DMD: variants seen among roughly 807,000 people sequenced by gnomAD.
DMD encodes the protein mutant dystrophin.
A neutral mutation model predicts 330.1 loss-of-function variants in DMD; 63 were observed. The ratio of observed to expected loss-of-function variants is 0.19; its 90% CI spans 0.16 to 0.24. The LOEUF (loss-of-function observed/expected upper bound fraction) is 0.24. Ranked by LOEUF, DMD falls within the 10% of genes least tolerant of loss-of-function variation. DMD has a pLI of 1.00. For synonymous variants in DMD, 1,223 were observed against 959.8 expected (o/e 1.27, Z -5.07); for missense variants, 3,344 against 2,684.1 (o/e 1.25, Z -5.43).
In DMD at chrX:32,457,028, T is replaced by A. The variant is rs758721597; in HGVS notation, c.3433-2196A>T. Among the ~76,000 whole-genome samples, 2 of 100,715 alleles carry A rather than the reference T, an allele frequency of 2.0e-5. 1 individual carries two copies. The highest frequency in any genetic ancestry group is 6.2e-4 in the East Asian group (2 of 3,210). The allele number at this position is 100,715 out of a possible 115,157, so 87.5% of individuals were successfully genotyped here. On this transcript the variant is annotated intron_variant, in intron 25 of 78. Transcript: ENST00000357033. ...TTACATTTAAAACTATGGAGCTTGA[T>A]AAGTTGACCCGGAGAGTGGGTGGTA...
chrX:32,772,525 T>C (rs1398639254), intron 7 of DMD, among the ~76,000 whole-genome samples: 1 of 112,308 alleles, frequency 8.9e-6, no homozygotes, highest in African/African-American at 3.2e-5. Flanking sequence ...GACGAACTAA[T>C]TGCTTGTGTA....
chrX:32,782,120 G>A (rs5972669), intron 7 of DMD, among the ~76,000 whole-genome samples: 1 of 111,306 alleles, frequency 9.0e-6, no homozygotes, highest in Admixed American at 9.6e-5. Flanking sequence ...TTTGAAAAAT[G>A]TTCATTTCCA....
chrX:31,341,381 T>C (rs1291940123), intron 61 of DMD, among the ~76,000 whole-genome samples: 1 of 111,623 alleles, frequency 9.0e-6, no homozygotes, highest in Non-Finnish European at 1.9e-5. Flanking sequence ...GTTACTATTA[T>C]CCCTATTTTA....
At chrX:31,473,720 A>AAAAAAAAAAAAAG (rs1310270784) in intron 59 of DMD, among the ~76,000 whole-genome samples, 3,945 of 103,864 alleles carry the variant, frequency 0.038, 94 homozygotes, top group Non-Finnish European at 0.055. Flanking sequence ...TCAAAAAAAA[A>AAAAAAAAAAAAAG]AAAAAAAAGA....
At chrX:32,548,206 A>C (rs1396611210) in intron 16 of DMD, among the ~76,000 whole-genome samples, 1 of 111,557 alleles carries the variant, frequency 9.0e-6, no homozygotes, top group African/African-American at 3.3e-5. Flanking sequence ...AGTAAAATAG[A>C]AACTCCATAT....
chrX:32,678,557 T>TTA lies in DMD; in HGVS notation c.960+19312_960+19313insTA, dbSNP rs763602077. ...ATGTGTGTATGGGTGGGTGCCTACA[T>TTA]GCTTAGTATATTTTAATCTCCTAAA... On this transcript the variant is annotated intron_variant, in intron 9 of 78. Coordinates refer to ENST00000357033, the MANE Select transcript of DMD (RefSeq NM_004006.3). 4.4e-3 allele frequency among the ~76,000 whole-genome samples: 489 copies of TTA among 110,829 alleles called. 1 individual carries two copies. The highest frequency in any genetic ancestry group is 0.015 in the African/African-American group (460 of 30,418).
At chrX:32,856,991 C>A (rs1021538300) in intron 2 of DMD, among the ~76,000 whole-genome samples, 10 of 109,031 alleles carry the variant, frequency 9.2e-5, no homozygotes, top group African/African-American at 3.4e-4. Flanking sequence ...AGGAGAACGG[C>A]GTGAACCCGG....
chrX:31,964,345 T>A (rs181363469), intron 45 of DMD, among the ~76,000 whole-genome samples: 1 of 111,423 alleles, frequency 9.0e-6, no homozygotes, highest in African/African-American at 3.3e-5. Flanking sequence ...TAACCAAATG[T>A]AATGCATGAG....
intron 18 of DMD, among the ~76,000 whole-genome samples, chrX:32,510,590 T>A (rs1171690627): frequency 8.9e-6 from 1 of 111,802 alleles, no homozygotes; most frequent in Non-Finnish European, 1.9e-5. Context: ...ACATTATAGG[T>A]ACATAATAAG....
chrX:33,318,063 T>G (rs1298512841), intron 1 of DMD, among the ~76,000 whole-genome samples: 2 of 111,209 alleles, frequency 1.8e-5, no homozygotes, highest in African/African-American at 6.5e-5. Flanking sequence ...TTAAGTGGAG[T>G]GATAACATAT....
intron 1 of DMD, among the ~76,000 whole-genome samples, chrX:33,318,540 C>G (rs1202530034): frequency 9.2e-6 from 1 of 108,147 alleles, no homozygotes; most frequent in Non-Finnish European, 1.9e-5. Flanking sequence ...CCCCACCTCC[C>G]AGGTTCGAGT....
At chrX:33,257,021 A>T (rs1182174171) in intron 1 of DMD, among the ~76,000 whole-genome samples, 1 of 110,672 alleles carries the variant, frequency 9.0e-6, no homozygotes, top group African/African-American at 3.3e-5. Flanking sequence ...GACTGTAAGT[A>T]TAACCTACCT....
intron 20 of DMD, among the ~76,000 whole-genome samples, chrX:32,487,400 C>T (rs1031127538): frequency 3.6e-5 from 4 of 110,253 alleles, no homozygotes; most frequent in African/African-American, 9.9e-5. Flanking sequence ...TATGTAACAA[C>T]AGGAAAATTG....
At chrX:32,348,328 T>A in intron 38 of DMD, 78 bp downstream of exon 38, 1 of 1,016,189 alleles carries the variant, frequency 9.8e-7, no homozygotes, top group Admixed American at 2.2e-5. Flanking sequence ...GAAAATTCAG[T>A]TGGAGACTTA....
chrX:32,739,581 G>T (rs1342240868), intron 7 of DMD, among the ~76,000 whole-genome samples: 2 of 111,901 alleles, frequency 1.8e-5, no homozygotes, highest in Non-Finnish European at 3.8e-5. Context: ...CAGAGGAAAA[G>T]AAATAATACA....
intron 2 of DMD, among the ~76,000 whole-genome samples, chrX:32,989,257 T>G (rs1174564302): frequency 9.0e-6 from 1 of 111,525 alleles, no homozygotes; most frequent in Non-Finnish European, 1.9e-5. Flanking sequence ...AAAATCAAAA[T>G]GAAATGTGAC....
At chrX:32,289,308 C>G (rs1233800714) in intron 42 of DMD, among the ~76,000 whole-genome samples, 1 of 110,626 alleles carries the variant, frequency 9.0e-6, no homozygotes, top group African/African-American at 3.3e-5. Flanking sequence ...CACCCATATT[C>G]AGCCTGAAGA....
chrX:32,402,187 C>T lies in DMD; in HGVS notation c.4233+9565G>A, dbSNP rs1032601501. ...AAATATCTACCATTTAAGTTAATTC[C>T]AGGTTATTTAACAACATTCATCACA... On this transcript the variant is annotated intron_variant, in intron 30 of 78. Transcript: ENST00000357033. Among the ~76,000 whole-genome samples, 7 of 111,508 alleles carry T rather than the reference C, an allele frequency of 6.3e-5. No individual in the cohort carries two copies. In the Admixed American group the frequency reaches 6.7e-4, roughly 11 times the overall value.
chrX:32,233,598 CTTTT>C (rs201163253), intron 43 of DMD, among the ~76,000 whole-genome samples: 4,846 of 93,756 alleles, frequency 0.052, 136 homozygotes, highest in East Asian at 0.19. Context: ...ATTTCTTTTT[CTTTT>C]ATTTATTTAT....
Sources: gnomAD v4.1 joint callset for allele counts (sites outside exome capture counted in the v4.1 genomes callset) on GRCh38, gnomAD v4.1.1 for gene constraint, MANE v1.5 for transcripts, NCBI Gene and HGNC (gene_info 2026-07-23, HGNC 2026-07-21) for gene names.